MCM2: variants seen among roughly 807,000 people sequenced by gnomAD.
The protein encoded by MCM2 is minichromosome maintenance complex component 2, also known as DNA replication licensing factor MCM2.
In MCM2, 49 loss-of-function variants were observed where a neutral mutation model predicts 86.4. The observed-to-expected ratio is 0.57, with a 90% CI of 0.45 to 0.72. MCM2 has a LOEUF of 0.72. Among genes scored for constraint, MCM2 ranks in the 30% least tolerant of loss-of-function variants. MCM2 has a pLI of 0.00. For synonymous variants in MCM2, 475 were observed against 484.6 expected, an observed-to-expected ratio of 0.98 and a Z score of 0.26; for missense variants, 1,038 against 1,259.9, an observed-to-expected ratio of 0.82 and a Z score of 2.67.
Position 127,608,437 on chromosome 3 carries a change from C to A in MCM2, c.1157C>A (p.Ala386Glu), listed in dbSNP as rs139136642. The A allele has an allele frequency of 2.5e-6, 4 of 1,614,202 alleles. No individual in the cohort carries two copies. Among genetic ancestry groups the A allele is most frequent in the Non-Finnish European group, 3.4e-6 (4 of 1,180,044 alleles). Reference protein sequence around the residue: ...IRIQESPGKVAAGRLPRSKDA... With the variant: ...IRIQESPGKVEAGRLPRSKDA... Reference sequence around the variant, plus strand: ...ATCCAGGAGAGTCCAGGCAAAGTGGCGGCTGGCCGGCTGCCCCGCTCCAAG... The same window carrying A: ...ATCCAGGAGAGTCCAGGCAAAGTGGAGGCTGGCCGGCTGCCCCGCTCCAAG... Residue 386 changes from alanine (A) to glutamate (E), a missense_variant, in exon 7 of 16, where the codon GCG (alanine) becomes GAG (glutamate). Around this residue, in one of 4 missense-constraint regions of MCM2, gnomAD observed 399 missense variants for 507.2 expected, o/e 0.79. Coordinates refer to ENST00000265056, the MANE Select transcript of MCM2 (RefSeq NM_004526.4).
chr3:127,610,199 A>C (rs2074384287), intron 8 of MCM2, among the ~76,000 whole-genome samples: 1 of 151,570 alleles, frequency 6.6e-6, no homozygotes, highest in South Asian at 2.1e-4. Context: ...TCGCCCTTTA[A>C]CCTCCACTCT....
intron 2 of MCM2, among the ~76,000 whole-genome samples, chr3:127,603,193 G>A (rs1215908947): frequency 6.6e-6 from 1 of 152,044 alleles, no homozygotes; most frequent in Non-Finnish European, 1.5e-5. Flanking sequence ...TAGAGACGGG[G>A]TTTCACCGTG....
At chr3:127,610,760 TG>T (rs1227300171) in intron 8 of MCM2, 1 of 456,594 alleles carries the variant, frequency 2.2e-6, no homozygotes, top group East Asian at 6.9e-5. Context: ...TGGGCTTATA[TG>T]TTACTGTCAT....
At position 127,619,238 on chromosome 3, in the gene MCM2, A is replaced by G; in HGVS notation, c.2225A>G (p.Lys742Arg). ...AAGCTCAACCAGATGGACCAGGACA[A>G]GGTGGCCAAGATGTACAGTGACCTG... is the stretch of plus-strand genomic sequence containing the variant. ...HPKLNQMDQD[K>R]VAKMYSDLRK... Residue 742 changes from lysine (K) to arginine (R), a missense_variant, in exon 13 of 16, where the codon AAG (lysine) becomes AGG (arginine). This residue lies in a region of MCM2 where 336 missense variants were observed against 425.7 expected (regional missense o/e 0.79). Transcript: ENST00000265056. 6.2e-7 allele frequency: 1 copy of G among 1,614,174 alleles called. No homozygotes were observed. Among genetic ancestry groups the G allele is most frequent in the Non-Finnish European group, 8.5e-7 (1 of 1,180,034 alleles).
At chr3:127,602,867 G>A (rs1005446655) in intron 2 of MCM2, among the ~76,000 whole-genome samples, 7 of 152,202 alleles carry the variant, frequency 4.6e-5, no homozygotes, top group Non-Finnish European at 1.0e-4. Flanking sequence ...GCCCTCACGG[G>A]GAGTTGGGTC....
chr3:127,621,195 T>G lies in MCM2; in HGVS notation c.2571T>G (p.Thr857=), dbSNP rs764412306. The change falls in exon 15 of 16, where the codon ACT becomes ACG. Residue 857 remains threonine, a synonymous_variant. Coordinates refer to ENST00000265056, the MANE Select transcript of MCM2 (RefSeq NM_004526.4). ...QRNRFGAQQD[T]IEVPEKDLVD... ...ACCGCTTTGGGGCCCAGCAGGACAC[T>G]ATTGAGGTCCCTGAGAAGGACTTGG... 1.2e-6 allele frequency: 2 copies of G among 1,614,088 alleles called. No individual in the cohort carries two copies. The highest frequency in any genetic ancestry group is 1.7e-6 in the Non-Finnish European group (2 of 1,180,022).
chr3:127,606,376 A>T lies in MCM2; in HGVS notation c.893+39A>T. 6.3e-7 allele frequency: 1 copy of T among 1,593,506 alleles called. No homozygotes were observed. Among genetic ancestry groups the T allele is most frequent in the South Asian group, 1.1e-5 (1 of 90,672 alleles). On this transcript the variant is annotated intron_variant, in intron 5 of 15. Coordinates refer to ENST00000265056, the MANE Select transcript of MCM2 (RefSeq NM_004526.4). This position sits in a 1 kb window ranked among gnomAD's most constrained non-coding sequence, Gnocchi z 4.2. ...AGGTGAGGATGGCAGGTCCGAGCTC[A>T]GTGCTGGGTGACTCGGTCGTGATTC...
chr3:127,608,584 G>A, intron 7 of MCM2, 68 bp downstream of exon 7: 1 of 1,593,366 alleles, frequency 6.3e-7, no homozygotes, highest in Admixed American at 1.7e-5. Flanking sequence ...AGTTGTGGCT[G>A]GGCCGGTGGC....
rs771074995 is a variant in MCM2 at position 127,619,183 on chromosome 3, A to G, written c.2170A>G (p.Ile724Val). ...GCCCCAGGAGGTCCTGAAGAAGTAC[A>G]TCATCTACGCCAAGGAGAGGGTCCA... ...PLPQEVLKKY[I>V]IYAKERVHPK... The change falls in exon 13 of 16, where the codon ATC becomes GTC. Residue 724 changes from isoleucine to valine, a missense_variant. Ile to Val is a conservative substitution (Grantham distance 29). Coordinates refer to ENST00000265056, the MANE Select transcript of MCM2 (RefSeq NM_004526.4). The G allele has an allele frequency of 5.6e-6, 9 of 1,614,178 alleles. No homozygotes were observed. Among genetic ancestry groups the G allele is most frequent in the Non-Finnish European group, 7.6e-6 (9 of 1,180,048 alleles).
intron 4 of MCM2, 51 bp downstream of exon 4, chr3:127,605,207 C>T (rs769440322): frequency 1.3e-6 from 2 of 1,587,298 alleles, no homozygotes; most frequent in South Asian, 2.3e-5. Flanking sequence ...CTCCCTAAAT[C>T]CTCCCCAGAA....
chr3:127,604,860 G>A (rs1053613713), intron 3 of MCM2, 36 bp from the exon 4 acceptor site: 5 of 1,586,696 alleles, frequency 3.2e-6, no homozygotes, highest in Non-Finnish European at 3.4e-6. Context: ...AGGTGCTGGG[G>A]ATGACCGCAG....
At chr3:127,600,930 G>T (rs1326819932) in intron 2 of MCM2, among the ~76,000 whole-genome samples, 1 of 150,460 alleles carries the variant, frequency 6.6e-6, no homozygotes, top group Non-Finnish European at 1.5e-5. Context: ...TTTACCCCTT[G>T]CGAAAATATA....
chr3:127,600,567 G>A (rs1054404106), intron 2 of MCM2, among the ~76,000 whole-genome samples: 48 of 152,152 alleles, frequency 3.2e-4, no homozygotes, highest in Non-Finnish European at 6.0e-4. Flanking sequence ...CAGACTGGAT[G>A]CATCTTTGCT....
At chr3:127,611,729 C>T (rs1241676510) in intron 8 of MCM2, among the ~76,000 whole-genome samples, 4 of 104,646 alleles carry the variant, frequency 3.8e-5, no homozygotes, top group Non-Finnish European at 5.1e-5. Context: ...GACGGAGTCT[C>T]GCTCTGTCGC....
rs2074287843 is a variant in MCM2, at chr3:127,599,355, C to T, written c.44C>T (p.Ala15Val). ...SESFTMASSP[A>V]QRRRGNDPLT... ...TCCTTCACCATGGCATCCAGCCCGG[C>T]CCAGCGTCGGCGAGGCAATGATCCT... is the stretch of plus-strand genomic sequence containing the variant. The change falls in exon 2 of 16, where the codon GCC becomes GTC. Residue 15 changes from alanine (A) to valine (V), a missense_variant. Transcript: ENST00000265056. The T allele has an allele frequency of 6.2e-7, 1 of 1,614,170 alleles. No homozygotes were observed. The highest frequency in any genetic ancestry group is 1.7e-5 in the Admixed American group (1 of 60,028).
At chr3:127,608,792 T>C (rs545743607) in intron 7 of MCM2, 40 bp from the exon 8 acceptor site, 2 of 1,603,602 alleles carry the variant, frequency 1.2e-6, no homozygotes, top group East Asian at 2.2e-5. Flanking sequence ...TGGGCACCCC[T>C]GGGTTAGGCT....
At position 127,617,379 on chromosome 3, in the gene MCM2, C is replaced by G. The variant is rs1028095105; in HGVS notation, c.1874C>G (p.Thr625Arg). 6.2e-7 allele frequency: 1 copy of G among 1,613,840 alleles called. No homozygotes were observed. Among genetic ancestry groups the G allele is most frequent in the African/African-American group, 1.3e-5 (1 of 74,910 alleles). Residue 625 changes from threonine to arginine, a missense_variant, in exon 11 of 16, where the codon ACG becomes AGG. Thr to Arg is a moderately conservative substitution (Grantham distance 71, BLOSUM62 -1). Coordinates refer to ENST00000265056, the MANE Select transcript of MCM2 (RefSeq NM_004526.4). The surrounding 1 kb of genome is among the most constrained non-coding windows in gnomAD (Gnocchi z 4.1). ...GIVTSLQARC[T>R]VIAAANPIGG... is the part of the protein sequence containing the mutation. ...GTCACCTCCCTGCAGGCTCGCTGCA[C>G]GGTCATTGCTGCCGCCAACCCCATA...
Position 127,599,427 on chromosome 3 carries a change from C to T in MCM2, c.116C>T (p.Thr39Ile), listed in dbSNP as rs745488384. The T allele has an allele frequency of 1.7e-4, 270 of 1,614,092 alleles. No homozygotes were observed. Among genetic ancestry groups the T allele is most frequent in the Non-Finnish European group, 2.2e-4 (259 of 1,180,054 alleles). ...AGCTCCCGGCGTACTGATGCCCTCA[C>T]CTCCAGCCCTGGCCGTGACCTTCCA... Reference protein sequence around the residue: ...GRSSRRTDALTSSPGRDLPPF... With the variant: ...GRSSRRTDALISSPGRDLPPF... Residue 39 changes from threonine (T) to isoleucine (I), a missense_variant, in exon 2 of 16, where the codon ACC (threonine) becomes ATC (isoleucine). Physicochemically the swap from Thr to Ile is moderately conservative, Grantham distance 89 (BLOSUM62 -1). This residue lies in a region of MCM2 where 300 missense variants were observed against 307.4 expected (regional missense o/e 0.98). Transcript: ENST00000265056.
At position 127,604,991 on chromosome 3, in the gene MCM2, AGC is replaced by A; in HGVS notation, c.509_510del (p.Ser170AsnfsTer58). ...DGEEDEEMIE[S>X]IENLEDLKGH... ...CGAGGAGGACGAGGAGATGATCGAGAGCATCGAGAACCTGGAGGATCTCAAAG... is the reference window on the plus strand; with the variant it reads ...CGAGGAGGACGAGGAGATGATCGAGAATCGAGAACCTGGAGGATCTCAAAG... On this transcript the variant is annotated frameshift_variant, in exon 4 of 16. Transcript: ENST00000265056. LOFTEE classifies it high-confidence loss of function. The A allele has an allele frequency of 6.2e-7, 1 of 1,613,928 alleles. No individual in the cohort carries two copies. Among genetic ancestry groups the A allele is most frequent in the Non-Finnish European group, 8.5e-7 (1 of 1,179,846 alleles).
Sources: gnomAD v4.1 joint callset for allele counts (sites outside exome capture counted in the v4.1 genomes callset) on GRCh38, gnomAD v4.1.1 for gene constraint, gnomAD v4.1.1 regional missense constraint, Gnocchi (gnomAD v3.1) non-coding constraint, MANE v1.5 for transcripts, NCBI Gene and HGNC (gene_info 2026-07-23, HGNC 2026-07-21) for gene names.